Variants in CDKN3 observed in about 807,000 individuals in gnomAD.
The protein encoded by CDKN3 is cyclin dependent kinase inhibitor 3.
CDKN3 carries 19 observed loss-of-function variants against 36.1 expected under a neutral mutation model. The ratio of observed to expected loss-of-function variants is 0.53; its 90% CI spans 0.37 to 0.77. The LOEUF is 0.77. Among genes scored for constraint, CDKN3 ranks in the 30% least tolerant of loss-of-function variants. The pLI, the probability that CDKN3 is intolerant of heterozygous loss-of-function variation, is 0.00. For synonymous variants in CDKN3, 71 were observed against 85.3 expected (o/e 0.83, Z 0.92); for missense variants, 188 against 248.6 (o/e 0.76, Z 1.64).
At chr14:54,419,253 G>A (rs1327960714) in intron 7 of CDKN3, among the ~76,000 whole-genome samples, 1 of 151,912 alleles carries the variant, frequency 6.6e-6, no homozygotes, top group African/African-American at 2.4e-5. Context: ...ATGTATATAT[G>A]AATATCCATA....
Position 54,420,045 on chromosome 14 carries a change from AAG to A in CDKN3, c.610_611del (p.Asp204PhefsTer14). The A allele has an allele frequency of 6.2e-7, 1 of 1,607,834 alleles. No individual in the cohort carries two copies. The highest frequency in any genetic ancestry group is 8.5e-7 in the Non-Finnish European group (1 of 1,174,554). On this transcript the variant is annotated frameshift_variant, in exon 8 of 8. Coordinates refer to ENST00000335183, the MANE Select transcript of CDKN3 (RefSeq NM_005192.4). LOFTEE classifies it high-confidence loss of function. ...RDKLAAHLSS[R>X]DSQSRSVSR is the part of the protein sequence containing the mutation. ...ACAAATTAGCTGCACATCTATCATC[AAG>A]AGATTCACAATCAAGATCTGTATCA...
chr14:54,401,783 A>G lies in CDKN3; in HGVS notation c.148+204A>G, dbSNP rs73268900. ...GTCTTTTATCCTTCATCCCCCTTCC[A>G]CCTGTTCCCCACCAGCCCCCGAAGT... is the stretch of plus-strand genomic sequence containing the variant. On this transcript the variant is annotated intron_variant, in intron 3 of 7. Transcript: ENST00000335183. Among the ~76,000 whole-genome samples, 228 of 151,742 alleles carry G rather than the reference A, an allele frequency of 1.5e-3. 1 individual carries two copies. Among genetic ancestry groups the G allele is most frequent in the African/African-American group, 5.2e-3 (214 of 41,344 alleles).
rs1265329970 is a variant in CDKN3 at position 54,404,623 on chromosome 14, A to G, written c.148+3044A>G. 1.3e-5 allele frequency among the ~76,000 whole-genome samples: 2 copies of G among 151,590 alleles called. 1 individual carries two copies. Among genetic ancestry groups the G allele is most frequent in the East Asian group, 3.9e-4 (2 of 5,160 alleles). ...AGAGTCTCACTCTGTCGCCCAGGCT[A>G]CAGTGCAATGGCACAATCTCGGCTC... is the stretch of plus-strand genomic sequence containing the variant. On this transcript the variant is annotated intron_variant, in intron 3 of 7. Coordinates refer to ENST00000335183, the MANE Select transcript of CDKN3 (RefSeq NM_005192.4).
At chr14:54,413,840 G>C (rs538562421) in intron 5 of CDKN3, 135 of 1,383,550 alleles carry the variant, frequency 9.8e-5, no homozygotes, top group Non-Finnish European at 1.2e-4. Context: ...TAGTTTCTTG[G>C]GGCTATTGTA....
intron 3 of CDKN3, among the ~76,000 whole-genome samples, chr14:54,407,977 G>A (rs1455950295): frequency 6.6e-6 from 1 of 152,196 alleles, no homozygotes; most frequent in Non-Finnish European, 1.5e-5. Flanking sequence ...CAGCCATCTT[G>A]CCCGGGAATC....
At position 54,408,838 on chromosome 14, in the gene CDKN3, G is replaced by A. The variant is rs74053491; in HGVS notation, c.193+49G>A. ...CACTCATGGGTTTTTTAAATGAATA[G>A]CATTGAAAAACTCTCTGTCAAAAAG... On this transcript the variant is annotated intron_variant, in intron 4 of 7. Coordinates refer to ENST00000335183, the MANE Select transcript of CDKN3 (RefSeq NM_005192.4). The A allele has an allele frequency of 1.1e-3, 1,632 of 1,492,888 alleles. 11 individuals are homozygous for A. The African/African-American group carries it at 0.021, about 20-fold the overall frequency. The allele number at this position is 1,492,888 out of a possible 1,614,324, so 92.5% of individuals were successfully genotyped here.
At chr14:54,414,755 C>G (rs1266650511) in intron 5 of CDKN3, among the ~76,000 whole-genome samples, 1 of 139,104 alleles carries the variant, frequency 7.2e-6, no homozygotes, top group Non-Finnish European at 1.5e-5. Context: ...CACTTTATTG[C>G]CAAAGCTGGT....
chr14:54,402,757 T>A (rs1202299308), intron 3 of CDKN3, among the ~76,000 whole-genome samples: 1 of 152,222 alleles, frequency 6.6e-6, no homozygotes, highest in Non-Finnish European at 1.5e-5. Flanking sequence ...CACTTTCAGT[T>A]TTCTACATAT....
At position 54,420,082 on chromosome 14, in the gene CDKN3, A is replaced by C; in HGVS notation, c.*4A>C. The C allele has an allele frequency of 6.6e-7, 1 of 1,521,652 alleles. No homozygotes were observed. Among genetic ancestry groups the C allele is most frequent in the East Asian group, 2.3e-5 (1 of 44,280 alleles). The allele number at this position is 1,521,652 out of a possible 1,614,324, so 94.3% of individuals were successfully genotyped here. On this transcript the variant is annotated 3_prime_UTR_variant, in exon 8 of 8. Transcript: ENST00000335183. ...ATCAAGATCTGTATCAAGATAAAGG[A>C]ATTCAAATAGCATATATATGACCAT... is the stretch of plus-strand genomic sequence containing the variant.
intron 7 of CDKN3, chr14:54,418,553 A>G: frequency 2.8e-6 from 1 of 355,078 alleles, no homozygotes; most frequent in Admixed American, 4.5e-5. Context: ...TGCAGATGTC[A>G]CTTCATTTTG....
At position 54,411,614 on chromosome 14, in the gene CDKN3, C is replaced by T. The variant is rs148435420; in HGVS notation, c.324C>T (p.Ile108=). The T allele has an allele frequency of 9.5e-5, 153 of 1,612,888 alleles. No homozygotes were observed. The Middle Eastern group carries it at 9.9e-4, about 10-fold the overall frequency. ...QCGIITHHHP[I]ADGGTPDIAS... ...GAATTATCACCCATCATCATCCAAT[C>T]GCAGATGGAGGGACTCCTGACATAG... The change falls in exon 5 of 8, where the codon ATC becomes ATT. Residue 108 remains isoleucine, a synonymous_variant. Transcript: ENST00000335183.
chr14:54,418,986 T>C (rs889766770), intron 7 of CDKN3, among the ~76,000 whole-genome samples: 1 of 151,906 alleles, frequency 6.6e-6, no homozygotes. Flanking sequence ...TAACGAAACC[T>C]TGTCCCTACT....
intron 3 of CDKN3, among the ~76,000 whole-genome samples, chr14:54,403,094 A>G (rs959371666): frequency 1.3e-5 from 2 of 152,270 alleles, no homozygotes; most frequent in Non-Finnish European, 2.9e-5. Flanking sequence ...AAGAAAGTCA[A>G]TGGTAGCTTG....
intron 3 of CDKN3, among the ~76,000 whole-genome samples, chr14:54,401,985 A>T (rs1298642237): frequency 6.6e-6 from 1 of 152,160 alleles, no homozygotes; most frequent in South Asian, 2.1e-4. Context: ...CGAGGCCGGC[A>T]GATCACGAAG....
At chr14:54,401,629 T>C in intron 3 of CDKN3, 50 bp downstream of exon 3, 2 of 1,252,298 alleles carry the variant, frequency 1.6e-6, no homozygotes, top group Non-Finnish European at 2.2e-6. Context: ...TATTTTTTAA[T>C]ATATTTTTAT....
In CDKN3 at chr14:54,419,157, C is replaced by CAAAA. The variant is rs770520508; in HGVS notation, c.553-823_553-820dup. ...TGGGCGACAAAGTGAGACCCTGTCT[C>CAAAA]AAAAAAAAAAAAAAATCAAATGATG... is the stretch of plus-strand genomic sequence containing the variant. On this transcript the variant is annotated intron_variant, in intron 7 of 7. Transcript: ENST00000335183. Among the ~76,000 whole-genome samples the CAAAA allele has an allele frequency of 8.9e-3, 1,111 of 125,052 alleles. 12 individuals are homozygous for CAAAA. The highest frequency in any genetic ancestry group is 0.031 in the African/African-American group (1,057 of 34,542). The allele number at this position is 125,052 out of a possible 152,430, so 82.0% of individuals were successfully genotyped here. A position where few individuals can be genotyped will look rare whatever the true frequency, so the allele number is the denominator to read the frequency against.
intron 3 of CDKN3, among the ~76,000 whole-genome samples, chr14:54,403,986 AC>A (rs2030055873): frequency 6.6e-6 from 1 of 152,140 alleles, no homozygotes; most frequent in African/African-American, 2.4e-5. Flanking sequence ...AAGGATATTG[AC>A]CTGAAATTTT....
chr14:54,418,762 G>A (rs962364527), intron 7 of CDKN3, among the ~76,000 whole-genome samples: 2 of 152,086 alleles, frequency 1.3e-5, no homozygotes, highest in African/African-American at 4.8e-5. Context: ...AATTCACCAA[G>A]CAACCTGATT....
rs147340627 is a variant in CDKN3 at position 54,413,612 on chromosome 14, C to T, written c.416+1906C>T. ...GCATTTTTCATTGTCCTAGAGCTTT[C>T]GAAGGTGTCCTACGGTGACTAGTTT... On this transcript the variant is annotated intron_variant, in intron 5 of 7. Coordinates refer to ENST00000335183, the MANE Select transcript of CDKN3 (RefSeq NM_005192.4). The T allele has an allele frequency of 1.3e-3, 2,055 of 1,534,370 alleles. 32 individuals carry two copies. In the African/African-American group the frequency reaches 0.024, roughly 18 times the overall value.
Sources: gnomAD v4.1 joint callset for allele counts (sites outside exome capture counted in the v4.1 genomes callset) on GRCh38, gnomAD v4.1.1 for gene constraint, MANE v1.5 for transcripts, NCBI Gene and HGNC (gene_info 2026-07-23, HGNC 2026-07-21) for gene names.